Variants in ETV4 observed in about 807,000 individuals in gnomAD.
The protein encoded by ETV4 is ETS variant transcription factor 4, also known as ETS translocation variant 4.
A neutral mutation model predicts 65.9 loss-of-function variants in ETV4; 42 were observed. That is an observed-to-expected ratio of 0.64 (90% CI 0.50 to 0.82). The LOEUF (loss-of-function observed/expected upper bound fraction) is 0.82. Ranked by LOEUF, ETV4 falls within the 40% of genes least tolerant of loss-of-function variation. The pLI, the probability that ETV4 is intolerant of heterozygous loss-of-function variation, is 0.00. For synonymous variants in ETV4, 238 were observed against 260.0 expected (o/e 0.92, Z 0.81); for missense variants, 583 against 630.3 (o/e 0.92, Z 0.80).
At chr17:43,536,302 T>A in intron 5 of ETV4, 124 bp downstream of exon 5, 2 of 856,242 alleles carry the variant, frequency 2.3e-6, no homozygotes, top group South Asian at 3.1e-5. Flanking sequence ...TGCCTTGGTC[T>A]TTAAGATCAA....
Position 43,529,674 on chromosome 17 carries a change from C to A in ETV4, c.958G>T (p.Asp320Tyr). The stretch of plus-strand genomic sequence containing the variant: ...GCACCGACCCCTTCCTGCTTGATGT[C>A]TCCTGGGGAACACGAAAATAGGAGG... ...VCVVPEKFEG[D>Y]IKQEGVGAFR... Residue 320 changes from aspartate to tyrosine, a missense_variant and splice_region_variant, in exon 11 of 13, where the codon GAC becomes TAC. Transcript: ENST00000319349. 1 of 1,606,078 alleles carries A rather than the reference C, an allele frequency of 6.2e-7. No homozygotes were observed. Among genetic ancestry groups the A allele is most frequent in the Non-Finnish European group, 8.5e-7 (1 of 1,174,932 alleles).
chr17:43,543,645 C>G (rs76617337), intron 4 of ETV4, among the ~76,000 whole-genome samples: 2,056 of 152,228 alleles, frequency 0.014, 50 homozygotes, highest in African/African-American at 0.048. Flanking sequence ...TCCAGAACCT[C>G]AGAAGAAGGA....
intron 4 of ETV4, among the ~76,000 whole-genome samples, chr17:43,543,178 C>T (rs1236093055): frequency 1.3e-5 from 2 of 151,852 alleles, no homozygotes; most frequent in Non-Finnish European, 2.9e-5. Flanking sequence ...GAGATCCCAG[C>T]GCCCACCCCC....
In ETV4 at chr17:43,529,971, G is replaced by T; in HGVS notation, c.887-19C>A. 6.2e-7 allele frequency: 1 copy of T among 1,614,110 alleles called. No individual in the cohort carries two copies. The highest frequency in any genetic ancestry group is 8.5e-7 in the Non-Finnish European group (1 of 1,180,012). ...CCATAGCCTTGTGGAGGAAATTGGG[G>T]GTTGCTCAGATCTGGGGGTTCACCG... On this transcript the variant is annotated intron_variant, in intron 9 of 12. Transcript: ENST00000319349.
At chr17:43,532,633 C>A in intron 8 of ETV4, 41 bp downstream of exon 8, 2 of 1,566,658 alleles carry the variant, frequency 1.3e-6, no homozygotes, top group Non-Finnish European at 1.7e-6. Context: ...CTTAACTGAA[C>A]ACTTGATCAC....
Position 43,529,684 on chromosome 17 carries a change from A to G in ETV4, c.956-8T>C, listed in dbSNP as rs777927050. ...CTTCCTGCTTGATGTCTCCTGGGGA[A>G]CACGAAAATAGGAGGTGTGGGGTTT... On this transcript the variant is annotated splice_region_variant and splice_polypyrimidine_tract_variant and intron_variant, in intron 10 of 12. Coordinates refer to ENST00000319349, the MANE Select transcript of ETV4 (RefSeq NM_001079675.5). 6.2e-6 allele frequency: 10 copies of G among 1,602,926 alleles called. No homozygotes were observed. The highest frequency in any genetic ancestry group is 8.5e-6 in the Non-Finnish European group (10 of 1,173,164).
intron 8 of ETV4, among the ~76,000 whole-genome samples, chr17:43,531,334 G>T (rs1450446766): frequency 1.3e-5 from 2 of 152,166 alleles, no homozygotes; most frequent in Non-Finnish European, 2.9e-5. Flanking sequence ...GGCCCTTGAG[G>T]CTTTGAACTA....
At chr17:43,545,150 A>T (rs1971738216) in intron 3 of ETV4, 124 bp downstream of exon 3, 1 of 1,289,768 alleles carries the variant, frequency 7.8e-7, no homozygotes, top group Admixed American at 1.9e-5. Context: ...AATCCCTTGG[A>T]GGGCGAGTTT....
Position 43,528,528 on chromosome 17 carries a change from G to C in ETV4, c.1446C>G (p.Tyr482Ter), listed in dbSNP as rs1233270453. Residue 482 changes from tyrosine (Y) to a stop codon, truncating the protein, a stop_gained, in exon 13 of 13, where the codon TAC becomes TAG. Coordinates refer to ENST00000319349, the MANE Select transcript of ETV4 (RefSeq NM_001079675.5). LOFTEE classifies it high-confidence loss of function. Reference sequence around the variant, plus strand: ...GAACAGCCGCTGGGGGCTAGTAAGAGTAGCCACCCTTGGGGCCAAATGGCT... The same window carrying C: ...GAACAGCCGCTGGGGGCTAGTAAGACTAGCCACCCTTGGGGCCAAATGGCT... ...PAQPFGPKGG[Y>*]SY 1 of 1,607,644 alleles carries C rather than the reference G, an allele frequency of 6.2e-7. No individual in the cohort carries two copies. The highest frequency in any genetic ancestry group is 8.5e-7 in the Non-Finnish European group (1 of 1,176,102).
intron 3 of ETV4, 80 bp downstream of exon 3, chr17:43,545,194 C>CGTGTGTGTGTGTGTGTGTGTGT (rs34640745): frequency 2.0e-5 from 13 of 636,764 alleles, no homozygotes; most frequent in African/African-American, 1.5e-4. Flanking sequence ...CAGAATCGGC[C>CGTGTGTGTGTGTGTGTGTGTGT]GTGTGTGTGT....
Position 43,536,406 on chromosome 17 carries a change from C to T in ETV4, c.256+20G>A. 6.2e-7 allele frequency: 1 copy of T among 1,611,826 alleles called. No individual in the cohort carries two copies. ...CCATCCTCCACTCCCTATACCCTCTCCCCAGGGACCTCTACTCACGGTTTT... is the reference window on the plus strand; with the variant it reads ...CCATCCTCCACTCCCTATACCCTCTTCCCAGGGACCTCTACTCACGGTTTT... On this transcript the variant is annotated intron_variant, in intron 5 of 12. Transcript: ENST00000319349.
chr17:43,534,902 T>C (rs1487806837), intron 5 of ETV4, among the ~76,000 whole-genome samples: 2 of 151,726 alleles, frequency 1.3e-5, no homozygotes, highest in Non-Finnish European at 2.9e-5. Context: ...GATCACACCA[T>C]TGCACTCCAG....
intron 4 of ETV4, among the ~76,000 whole-genome samples, chr17:43,537,148 C>A (rs1971284417): frequency 6.6e-6 from 1 of 151,958 alleles, no homozygotes; most frequent in South Asian, 2.1e-4. Context: ...GGTGGATCAC[C>A]TGAGGTCCGG....
intron 1 of ETV4, 194 bp from the exon 2 acceptor site, chr17:43,545,862 T>G: frequency 1.7e-6 from 1 of 582,960 alleles, no homozygotes; most frequent in Non-Finnish European, 3.1e-6. Flanking sequence ...AGGTCCCACC[T>G]GCTCCCAGGA....
In ETV4 at chr17:43,536,588, C is replaced by G. The variant is rs937705165; in HGVS notation, c.203-109G>C. 1.5e-5 allele frequency: 13 copies of G among 892,388 alleles called. No homozygotes were observed. In the African/African-American group the frequency reaches 1.5e-4, roughly 10 times the overall value. 55.3% of individuals were successfully genotyped at this position (892,388 alleles called of 1,614,324 possible). On this transcript the variant is annotated intron_variant, in intron 4 of 12. Coordinates refer to ENST00000319349, the MANE Select transcript of ETV4 (RefSeq NM_001079675.5). ...GCAACAGCCAAGAAAGGACCAACAG[C>G]CTTTAGATCAGGGGTGTCCACATTG...
chr17:43,544,902 G>A, intron 4 of ETV4, 73 bp downstream of exon 4: 8 of 1,406,352 alleles, frequency 5.7e-6, no homozygotes, highest in Non-Finnish European at 8.1e-6. Context: ...AGGGCTTAGG[G>A]TGGAATACCA....
chr17:43,530,226 G>A (rs957278361), intron 8 of ETV4, 45 bp from the exon 9 acceptor site: 2 of 1,551,798 alleles, frequency 1.3e-6, no homozygotes, highest in East Asian at 2.4e-5. Flanking sequence ...TTGGGGTGGA[G>A]CTCGAGGGCA....
chr17:43,533,765 G>A, intron 6 of ETV4, 94 bp downstream of exon 6: 5 of 1,478,100 alleles, frequency 3.4e-6, no homozygotes, highest in Non-Finnish European at 4.6e-6. Context: ...TGTCTAACTT[G>A]CATCTCAGCT....
At chr17:43,533,644 CT>C (rs1443967700) in intron 6 of ETV4, among the ~76,000 whole-genome samples, 2 of 152,118 alleles carry the variant, frequency 1.3e-5, no homozygotes, top group African/African-American at 4.8e-5. Flanking sequence ...GAAACAGAAT[CT>C]GCTCTGGCCT....
Sources: gnomAD v4.1 joint callset for allele counts (sites outside exome capture counted in the v4.1 genomes callset) on GRCh38, gnomAD v4.1.1 for gene constraint, MANE v1.5 for transcripts, NCBI Gene and HGNC (gene_info 2026-07-23, HGNC 2026-07-21) for gene names.